Variants in CDH12 observed in about 807,000 individuals in gnomAD.
The protein encoded by CDH12 is cadherin-12.
Under a neutral mutation model 74.1 loss-of-function variants are expected in CDH12, and 41 were observed. That is an observed-to-expected ratio of 0.55 (90% CI 0.43 to 0.72). The LOEUF is 0.72. Ranked by LOEUF, CDH12 falls within the 30% of genes least tolerant of loss-of-function variation. The pLI, the probability that CDH12 is intolerant of heterozygous loss-of-function variation, is 0.00. For missense variants in CDH12, 945 were observed against 977.2 expected (o/e 0.97, Z 0.44); for synonymous variants, 399 against 355.0 (o/e 1.12, Z -1.39).
chr5:22,301,336 A>G (rs889171404), intron 3 of CDH12, among the ~76,000 whole-genome samples: 2 of 152,192 alleles, frequency 1.3e-5, no homozygotes, highest in African/African-American at 4.8e-5. Flanking sequence ...ACAGGTCACA[A>G]GGCCAATCCC....
chr5:22,416,220 G>T (rs1378231971), intron 2 of CDH12, among the ~76,000 whole-genome samples: 1 of 150,480 alleles, frequency 6.6e-6, no homozygotes, highest in African/African-American at 2.4e-5. Flanking sequence ...GACTACAGGC[G>T]CCCGCCACCA....
chr5:22,515,316 G>C (rs1331826331), intron 1 of CDH12, among the ~76,000 whole-genome samples: 1 of 152,030 alleles, frequency 6.6e-6, no homozygotes, highest in East Asian at 1.9e-4. Flanking sequence ...AGCTGATAGT[G>C]AATGTCATGA....
At chr5:22,607,987 T>G (rs1293533111) in intron 1 of CDH12, among the ~76,000 whole-genome samples, 4 of 152,324 alleles carry the variant, frequency 2.6e-5, no homozygotes, top group African/African-American at 9.6e-5. Context: ...ATGGAGAACC[T>G]CCGCTAGAGT....
In CDH12 at chr5:21,811,992, A is replaced by T. The variant is rs551302279; in HGVS notation, c.1002+4953T>A. On this transcript the variant is annotated intron_variant, in intron 9 of 14. Transcript: ENST00000382254. ...AGTCTTCTCAGTTAATCTAAACCTG[A>T]CCATCATTTTTGTTTTCTCAAGCCC... Among the ~76,000 whole-genome samples, 139 of 152,050 alleles carry T rather than the reference A, an allele frequency of 9.1e-4. 1 individual carries two copies. The highest frequency in any genetic ancestry group is 3.5e-4 in the Non-Finnish European group (24 of 67,966).
chr5:22,760,407 G>A lies in CDH12; in HGVS notation c.-523+92651C>T, dbSNP rs975072878. Reference sequence around the variant, plus strand: ...TGAAAAAAGCGTAAATGGGCCGGGCGCGGTGGCTCCCGCCTGTAATCCCAT... The same window carrying A: ...TGAAAAAAGCGTAAATGGGCCGGGCACGGTGGCTCCCGCCTGTAATCCCAT... On this transcript the variant is annotated intron_variant, in intron 1 of 14. Coordinates refer to ENST00000382254, the MANE Select transcript of CDH12 (RefSeq NM_004061.5). 3.9e-5 allele frequency among the ~76,000 whole-genome samples: 6 copies of A among 152,196 alleles called. No individual in the cohort carries two copies. The South Asian group carries it at 6.2e-4, about 16-fold the overall frequency.
intron 4 of CDH12, among the ~76,000 whole-genome samples, chr5:22,096,600 G>A (rs999499979): frequency 3.3e-5 from 5 of 151,904 alleles, no homozygotes; most frequent in South Asian, 2.1e-4. Context: ...GTTTCTTTCC[G>A]CTACTAGCCC....
At chr5:21,866,648 T>C (rs1579862491) in intron 6 of CDH12, among the ~76,000 whole-genome samples, 1 of 152,074 alleles carries the variant, frequency 6.6e-6, no homozygotes, top group African/African-American at 2.4e-5. Flanking sequence ...AGCCATTCAG[T>C]TTTATAAGGG....
intron 1 of CDH12, among the ~76,000 whole-genome samples, chr5:22,700,176 A>T (rs1377920736): frequency 1.3e-5 from 2 of 152,238 alleles, no homozygotes; most frequent in Non-Finnish European, 1.5e-5. Flanking sequence ...CAAAAAAAAA[A>T]ATATTAACCT....
At chr5:22,326,140 T>C (rs1011865419) in intron 3 of CDH12, among the ~76,000 whole-genome samples, 1 of 152,176 alleles carries the variant, frequency 6.6e-6, no homozygotes, top group African/African-American at 2.4e-5. Flanking sequence ...TCACCTAATG[T>C]CAGTATTTGG....
At position 22,529,180 on chromosome 5, in the gene CDH12, TATATATATAGAGAG is replaced by T. The variant is rs1269145657; in HGVS notation, c.-522-23830_-522-23817del. Among the ~76,000 whole-genome samples the T allele has an allele frequency of 1.0e-3, 89 of 86,472 alleles. 1 individual carries two copies. The highest frequency in any genetic ancestry group is 3.3e-3 in the African/African-American group (80 of 24,252). 56.7% of individuals were successfully genotyped at this position (86,472 alleles called of 152,430 possible). Reference sequence around the variant, plus strand: ...ATACACATGTGTATATATATATATATATATATATAGAGAGAGAGAGAGAGAGAGAGAGAGAGAGA... The same window carrying T: ...ATACACATGTGTATATATATATATATAGAGAGAGAGAGAGAGAGAGAGAGA... On this transcript the variant is annotated intron_variant, in intron 1 of 14. Coordinates refer to ENST00000382254, the MANE Select transcript of CDH12 (RefSeq NM_004061.5).
intron 2 of CDH12, among the ~76,000 whole-genome samples, chr5:22,409,534 C>T (rs979839182): frequency 2.6e-5 from 4 of 151,864 alleles, no homozygotes; most frequent in African/African-American, 9.7e-5. Flanking sequence ...GAAAAAAATA[C>T]AGCATAACTC....
intron 8 of CDH12, among the ~76,000 whole-genome samples, chr5:21,838,324 C>T (rs760940886): frequency 1.3e-5 from 2 of 152,136 alleles, no homozygotes; most frequent in African/African-American, 2.4e-5. Flanking sequence ...CTTTGGGAGG[C>T]CAAGGCAGGT....
intron 1 of CDH12, among the ~76,000 whole-genome samples, chr5:22,702,754 T>C (rs939101638): frequency 6.6e-6 from 1 of 152,084 alleles, no homozygotes; most frequent in Non-Finnish European, 1.5e-5. Context: ...TTTCCTTTGC[T>C]GTTCTTACTA....
chr5:22,368,788 A>G (rs994167808), intron 3 of CDH12, among the ~76,000 whole-genome samples: 5 of 141,274 alleles, frequency 3.5e-5, no homozygotes, highest in African/African-American at 1.2e-4. Flanking sequence ...GGTTGACCTC[A>G]AAAGTGCCGG....
intron 3 of CDH12, among the ~76,000 whole-genome samples, chr5:22,243,197 T>C (rs1752810534): frequency 6.6e-6 from 1 of 152,154 alleles, no homozygotes; most frequent in African/African-American, 2.4e-5. Flanking sequence ...GTAAGTTTAG[T>C]GAATGTCCTA....
At chr5:22,600,357 A>G (rs1736799516) in intron 1 of CDH12, among the ~76,000 whole-genome samples, 1 of 152,168 alleles carries the variant, frequency 6.6e-6, no homozygotes, top group Non-Finnish European at 1.5e-5. Flanking sequence ...CTACTGTACT[A>G]AATTCCATTT....
chr5:22,464,040 T>C (rs770773307), intron 2 of CDH12, among the ~76,000 whole-genome samples: 15 of 152,158 alleles, frequency 9.9e-5, no homozygotes, highest in Non-Finnish European at 2.1e-4. Flanking sequence ...AGGAACCCCA[T>C]GGGAGGTGAT....
chr5:22,654,175 TTTC>T (rs1336463114), intron 1 of CDH12, among the ~76,000 whole-genome samples: 2 of 149,338 alleles, frequency 1.3e-5, no homozygotes, highest in African/African-American at 5.1e-5. Context: ...CCTTCCTTCC[TTTC>T]TTCTTTCTTT....
intron 1 of CDH12, among the ~76,000 whole-genome samples, chr5:22,752,838 T>G (rs781537771): frequency 2.0e-5 from 3 of 151,724 alleles, no homozygotes; most frequent in Non-Finnish European, 1.5e-5. Flanking sequence ...CCTCCCAAAG[T>G]GCTGGGATTA....
Sources: allele counts gnomAD v4.1 joint callset (sites outside exome capture counted in the v4.1 genomes callset), GRCh38; gene constraint gnomAD v4.1.1; transcripts MANE v1.5; gene names NCBI Gene and HGNC (gene_info 2026-07-23, HGNC 2026-07-21).